HLCS: variants seen among roughly 807,000 people sequenced by gnomAD.
HLCS encodes the protein biotin--protein ligase.
Under a neutral mutation model 75.0 loss-of-function variants are expected in HLCS, and 53 were observed. That is an observed-to-expected ratio of 0.71 (90% CI 0.57 to 0.89). The LOEUF (loss-of-function observed/expected upper bound fraction) is 0.89, where lower values mean the gene tolerates loss of function less well. Ranked by LOEUF, HLCS falls within the 40% of genes least tolerant of loss-of-function variation. The pLI is 0.00. For missense variants in HLCS, 966 were observed against 1,074.0 expected, an observed-to-expected ratio of 0.90 and a Z score of 1.41; for synonymous variants, 431 against 428.6, an observed-to-expected ratio of 1.01 and a Z score of -0.07.
intron 2 of HLCS, among the ~76,000 whole-genome samples, chr21:36,940,702 G>A (rs1330411452): frequency 6.6e-6 from 1 of 152,204 alleles, no homozygotes; most frequent in Non-Finnish European, 1.5e-5. Flanking sequence ...CAGGGTCCTT[G>A]CTCATCCAAG....
At chr21:36,878,844 T>C (rs890815153) in intron 6 of HLCS, among the ~76,000 whole-genome samples, 29 of 152,204 alleles carry the variant, frequency 1.9e-4, no homozygotes, top group Non-Finnish European at 2.8e-4. Flanking sequence ...AGAAGTAATA[T>C]AGTATTACAA....
At position 36,848,417 on chromosome 21, in the gene HLCS, G is replaced by A. The variant is rs550747495; in HGVS notation, c.1892+48443C>T. Among the ~76,000 whole-genome samples, 10 of 151,726 alleles carry A rather than the reference G, an allele frequency of 6.6e-5. No homozygotes were observed. The South Asian group carries it at 1.0e-3, about 16-fold the overall frequency. On this transcript the variant is annotated intron_variant, in intron 6 of 10. Coordinates refer to ENST00000674895, the MANE Select transcript of HLCS (RefSeq NM_001352514.2). ...CCGGAGTAGCTGGGATTACAGGCAC[G>A]CCCCACCACGCCCAGCTAATTTTTG...
intron 6 of HLCS, among the ~76,000 whole-genome samples, chr21:36,826,824 C>T (rs1446254269): frequency 6.6e-6 from 1 of 152,212 alleles, no homozygotes; most frequent in Non-Finnish European, 1.5e-5. Context: ...TTCTGCTATA[C>T]TGCCTCCCAG....
chr21:36,967,748 C>A (rs151323015), upstream of HLCS, among the ~76,000 whole-genome samples: 212 of 152,260 alleles, frequency 1.4e-3, no homozygotes, highest in African/African-American at 4.8e-3. Context: ...TTGAGACAGT[C>A]TCTCTCTGTC....
intron 6 of HLCS, among the ~76,000 whole-genome samples, chr21:36,781,872 A>C (rs2060545138): frequency 1.3e-5 from 2 of 152,292 alleles, no homozygotes; most frequent in Middle Eastern, 3.4e-3. Context: ...CTATTTTTGG[A>C]ATTTTTAAAA....
At chr21:36,949,381 G>C (rs1456256247) in intron 2 of HLCS, among the ~76,000 whole-genome samples, 1 of 152,224 alleles carries the variant, frequency 6.6e-6, no homozygotes, top group Non-Finnish European at 1.5e-5. Flanking sequence ...TGTCCACGAA[G>C]AGCCACATGT....
chr21:36,833,600 T>C (rs1052448044), intron 6 of HLCS, among the ~76,000 whole-genome samples: 1 of 145,606 alleles, frequency 6.9e-6, no homozygotes, highest in Non-Finnish European at 1.5e-5. Context: ...AAATTATATA[T>C]ATATATATAT....
At chr21:36,814,386 A>C (rs977074340) in intron 6 of HLCS, among the ~76,000 whole-genome samples, 7 of 152,246 alleles carry the variant, frequency 4.6e-5, no homozygotes, top group Admixed American at 2.0e-4. Context: ...ATGCCCATTT[A>C]AATGTGAATT....
intron 6 of HLCS, among the ~76,000 whole-genome samples, chr21:36,857,055 C>A (rs2063220116): frequency 6.6e-6 from 1 of 152,240 alleles, no homozygotes; most frequent in South Asian, 2.1e-4. Flanking sequence ...CTGATATGCA[C>A]AAATTTCAGT....
chr21:36,787,249 G>A (rs114331788), intron 6 of HLCS, among the ~76,000 whole-genome samples: 133 of 152,328 alleles, frequency 8.7e-4, no homozygotes, highest in African/African-American at 3.1e-3. Context: ...GTTCCTCCGA[G>A]AGCAGTCCTC....
intron 5 of HLCS, among the ~76,000 whole-genome samples, chr21:36,910,577 G>A (rs1330624319): frequency 6.6e-6 from 1 of 151,654 alleles, no homozygotes; most frequent in African/African-American, 2.4e-5. Flanking sequence ...CCTGAAATAG[G>A]ACTATTTTTT....
intron 6 of HLCS, among the ~76,000 whole-genome samples, chr21:36,779,385 C>T (rs2060460874): frequency 1.3e-5 from 2 of 152,054 alleles, no homozygotes; most frequent in Admixed American, 6.6e-5. Flanking sequence ...CCATCTACCA[C>T]CCATCCATCC....
At chr21:36,796,474 A>G (rs2061029081) in intron 6 of HLCS, among the ~76,000 whole-genome samples, 1 of 152,140 alleles carries the variant, frequency 6.6e-6, no homozygotes, top group Non-Finnish European at 1.5e-5. Flanking sequence ...CCAAAAGCAT[A>G]TTTCTTTTTA....
At chr21:36,857,001 G>A (rs1179723508) in intron 6 of HLCS, among the ~76,000 whole-genome samples, 2 of 152,240 alleles carry the variant, frequency 1.3e-5, no homozygotes, top group Admixed American at 1.3e-4. Context: ...TTAACTGAAA[G>A]TCACGCATGT....
intron 2 of HLCS, among the ~76,000 whole-genome samples, chr21:36,956,352 G>C (rs1055851997): frequency 6.6e-6 from 1 of 152,256 alleles, no homozygotes; most frequent in South Asian, 2.1e-4. Flanking sequence ...AACCAACGAT[G>C]AGAGTACATT....
At chr21:36,801,213 A>G (rs2061189490) in intron 6 of HLCS, among the ~76,000 whole-genome samples, 1 of 152,222 alleles carries the variant, frequency 6.6e-6, no homozygotes, top group African/African-American at 2.4e-5. Flanking sequence ...TACCCTTGTC[A>G]TTCGTGCCAG....
At position 36,765,312 on chromosome 21, in the gene HLCS, G is replaced by T. The variant is rs1026976843; in HGVS notation, c.1961-140C>A. 8 of 874,654 alleles carry T rather than the reference G, an allele frequency of 9.1e-6. No individual in the cohort carries two copies. In the African/African-American group the frequency reaches 1.3e-4, roughly 15 times the overall value. 54.2% of individuals were successfully genotyped at this position (874,654 alleles called of 1,614,324 possible). A position where few individuals can be genotyped will look rare whatever the true frequency, so the allele number is the denominator to read the frequency against. On this transcript the variant is annotated intron_variant, in intron 7 of 10. Transcript: ENST00000674895. The stretch of plus-strand genomic sequence containing the variant: ...GTATTACAACGCTTATTATATTCTG[G>T]GCTTAATAAAAGAAAAGCTTTTTAA...
At chr21:36,886,023 C>A (rs987070411) in intron 6 of HLCS, among the ~76,000 whole-genome samples, 1 of 152,010 alleles carries the variant, frequency 6.6e-6, no homozygotes, top group African/African-American at 2.4e-5. Context: ...TATGCAATTT[C>A]TGCAAATACT....
chr21:36,875,039 G>A (rs1257762070), intron 6 of HLCS, among the ~76,000 whole-genome samples: 3 of 152,160 alleles, frequency 2.0e-5, no homozygotes, highest in Non-Finnish European at 2.9e-5. Context: ...TCCCCTCCCC[G>A]ACTGGTGCTT....
Sources: allele counts gnomAD v4.1 joint callset (sites outside exome capture counted in the v4.1 genomes callset), GRCh38; gene constraint gnomAD v4.1.1; transcripts MANE v1.5; gene names NCBI Gene and HGNC (gene_info 2026-07-23, HGNC 2026-07-21).